Variants in RIMS1 observed in about 807,000 individuals in gnomAD.
RIMS1 encodes the protein regulating synaptic membrane exocytosis 1.
In RIMS1, 83 loss-of-function variants were observed where a neutral mutation model predicts 214.1. The observed-to-expected ratio is 0.39, with a 90% CI of 0.32 to 0.47. The LOEUF is 0.47. RIMS1 is among the 20% of genes least tolerant of loss of function. RIMS1 has a pLI of 0.99. For synonymous variants in RIMS1, 793 were observed against 786.8 expected (o/e 1.01, Z -0.13); for missense variants, 2,050 against 2,161.8 (o/e 0.95, Z 1.03).
chr6:72,143,051 T>G (rs1282388470), intron 4 of RIMS1, among the ~76,000 whole-genome samples: 6 of 152,114 alleles, frequency 3.9e-5, no homozygotes, highest in Non-Finnish European at 7.4e-5. Context: ...TGTATTGGTA[T>G]GTAGTGGATA....
intron 19 of RIMS1, among the ~76,000 whole-genome samples, chr6:72,264,693 A>G (rs557915097): frequency 6.6e-6 from 1 of 152,308 alleles, no homozygotes; most frequent in South Asian, 2.1e-4. Context: ...GCACATTTAC[A>G]TATTGATCAA....
intron 8 of RIMS1, among the ~76,000 whole-genome samples, chr6:72,237,367 C>T (rs1040940765): frequency 5.9e-5 from 9 of 152,024 alleles, no homozygotes; most frequent in Non-Finnish European, 1.0e-4. Context: ...AAACTGTGCT[C>T]CCAGCTACTT....
At chr6:72,022,543 C>T (rs1815054331) in intron 2 of RIMS1, among the ~76,000 whole-genome samples, 1 of 152,104 alleles carries the variant, frequency 6.6e-6, no homozygotes, top group African/African-American at 2.4e-5. Context: ...TTGTTAACTT[C>T]AGACAAAATA....
chr6:72,320,731 G>GT (rs909039581), intron 28 of RIMS1, among the ~76,000 whole-genome samples: 4 of 151,778 alleles, frequency 2.6e-5, no homozygotes, highest in African/African-American at 9.7e-5. Flanking sequence ...ACTTATTATT[G>GT]TTTTTTAGCA....
At chr6:72,233,455 G>A (rs2062774043) in intron 6 of RIMS1, among the ~76,000 whole-genome samples, 1 of 150,836 alleles carries the variant, frequency 6.6e-6, no homozygotes, top group Non-Finnish European at 1.5e-5. Flanking sequence ...ATAGCAGGTT[G>A]TGGCTGGGTA....
intron 6 of RIMS1, among the ~76,000 whole-genome samples, chr6:72,232,785 T>C (rs181224259): frequency 6.6e-6 from 1 of 151,864 alleles, no homozygotes. Context: ...TAAAAATTAT[T>C]TCATGTAGCA....
intron 6 of RIMS1, among the ~76,000 whole-genome samples, chr6:72,208,247 G>A (rs2053258319): frequency 6.6e-6 from 1 of 152,172 alleles, no homozygotes; most frequent in Admixed American, 6.5e-5. Context: ...GTCTCATTCT[G>A]CTCATCTGTT....
intron 23 of RIMS1, among the ~76,000 whole-genome samples, chr6:72,282,542 G>A (rs569556880): frequency 2.0e-5 from 3 of 152,172 alleles, no homozygotes; most frequent in East Asian, 3.9e-4. Flanking sequence ...ACACACATAA[G>A]GCATGTGCCA....
intron 1 of RIMS1, among the ~76,000 whole-genome samples, chr6:71,915,832 G>C (rs1461645564): frequency 7.2e-5 from 11 of 152,058 alleles, no homozygotes; most frequent in Non-Finnish European, 1.3e-4. Context: ...CCACATGGCT[G>C]GGAAGGCCTC....
At chr6:72,094,328 C>A (rs574084799) in intron 2 of RIMS1, among the ~76,000 whole-genome samples, 1 of 151,592 alleles carries the variant, frequency 6.6e-6, no homozygotes, top group African/African-American at 2.4e-5. Context: ...TATGAGTGAC[C>A]CAAATGAAAT....
chr6:72,048,546 GA>G (rs1231720830), intron 2 of RIMS1, among the ~76,000 whole-genome samples: 5 of 151,854 alleles, frequency 3.3e-5, no homozygotes, highest in South Asian at 2.1e-4. Flanking sequence ...AAATAAAATA[GA>G]AAAAAAAGTT....
intron 6 of RIMS1, among the ~76,000 whole-genome samples, chr6:72,231,421 A>G (rs1056382194): frequency 6.6e-6 from 1 of 151,732 alleles, no homozygotes; most frequent in Admixed American, 6.6e-5. Flanking sequence ...CAAATATTGT[A>G]TGCTAAAATA....
At chr6:72,151,383 G>A (rs1295005958) in intron 4 of RIMS1, among the ~76,000 whole-genome samples, 2 of 152,164 alleles carry the variant, frequency 1.3e-5, no homozygotes, top group Non-Finnish European at 2.9e-5. Context: ...AGCGGAATCA[G>A]GATGAAAGTC....
rs372288035 is a variant in RIMS1, at chr6:72,323,807, T to C, written c.4131-9793T>C. Among the ~76,000 whole-genome samples the C allele has an allele frequency of 1.4e-4, 21 of 151,938 alleles. No homozygotes were observed. In the South Asian group the frequency reaches 4.4e-3, roughly 32 times the overall value. ...ACAGAAAACTAAAGGAAAACATTTC[T>C]TAAAAGAATCTCAGGGGAAAAAAGA... is the stretch of plus-strand genomic sequence containing the variant. On this transcript the variant is annotated intron_variant, in intron 28 of 33. Transcript: ENST00000521978.
chr6:72,205,032 T>C (rs1046807280), intron 6 of RIMS1, among the ~76,000 whole-genome samples: 3 of 152,176 alleles, frequency 2.0e-5, no homozygotes, highest in African/African-American at 7.2e-5. Flanking sequence ...ACTTTGTTTC[T>C]TGTGTAATTA....
chr6:72,091,008 C>T (rs1293946866), intron 2 of RIMS1, among the ~76,000 whole-genome samples: 1 of 152,132 alleles, frequency 6.6e-6, no homozygotes, highest in African/African-American at 2.4e-5. Context: ...GAAGGGAACG[C>T]GTGATGGCAC....
chr6:72,182,841 T>G lies in RIMS1; in HGVS notation c.1370T>G (p.Val457Gly). The stretch of plus-strand genomic sequence containing the variant: ...CCGCCGGCGCCCAGACATGGGCCGG[T>G]TCCCGCAGAAGCCCCGGAGCTCAAA... ...HSPPAPRHGP[V>G]PAEAPELKAQ... The change falls in exon 6 of 34, where the codon GTT becomes GGT. Residue 457 changes from valine (V) to glycine (G), a missense_variant. This residue lies in a region of RIMS1 where 882 missense variants were observed against 828.9 expected (regional missense o/e 1.06). Coordinates refer to ENST00000521978, the MANE Select transcript of RIMS1 (RefSeq NM_014989.7). 1 of 1,553,156 alleles carries G rather than the reference T, an allele frequency of 6.4e-7. No homozygotes were observed. Among genetic ancestry groups the G allele is most frequent in the Non-Finnish European group, 8.7e-7 (1 of 1,151,182 alleles).
chr6:72,311,813 T>C (rs2095525941), intron 27 of RIMS1, among the ~76,000 whole-genome samples: 1 of 152,014 alleles, frequency 6.6e-6, no homozygotes, highest in African/African-American at 2.4e-5. Context: ...TCTACTAAAA[T>C]ACAAAAAACT....
At chr6:72,348,765 G>T (rs990908914) in intron 29 of RIMS1, among the ~76,000 whole-genome samples, 3 of 151,322 alleles carry the variant, frequency 2.0e-5, no homozygotes, top group African/African-American at 7.3e-5. Flanking sequence ...CTCCAGAATT[G>T]GTGCTGATTT....
Sources: allele counts gnomAD v4.1 joint callset (sites outside exome capture counted in the v4.1 genomes callset), GRCh38; gene constraint gnomAD v4.1.1; regional missense constraint gnomAD v4.1.1; transcripts MANE v1.5; gene names NCBI Gene and HGNC (gene_info 2026-07-23, HGNC 2026-07-21).